Variants in NUTM1 observed in about 807,000 individuals in gnomAD.
NUTM1 encodes the protein NUT family member 1.
In NUTM1, 39 loss-of-function variants were observed where a neutral mutation model predicts 88.7. The observed-to-expected ratio is 0.44, with a 90% confidence interval of 0.34 to 0.57. The LOEUF (loss-of-function observed/expected upper bound fraction) is 0.57, where lower values mean the gene tolerates loss of function less well. NUTM1 is among the 20% of genes least tolerant of loss of function. The pLI is 0.01. For synonymous variants in NUTM1, 494 were observed against 538.0 expected (o/e 0.92, Z 1.13); for missense variants, 1,350 against 1,414.5 (o/e 0.95, Z 0.73).
intron 4 of NUTM1, among the ~76,000 whole-genome samples, chr15:34,352,798 T>C (rs1890732589): frequency 6.7e-6 from 1 of 148,340 alleles, no homozygotes; most frequent in Admixed American, 6.7e-5. Flanking sequence ...AGAGTGAGAC[T>C]CTGTCTCAAA....
Position 34,356,935 on chromosome 15 carries a change from C to A in NUTM1, c.2927C>A (p.Pro976His). The change falls in exon 8 of 8, where the codon CCT becomes CAT. Residue 976 changes from proline (P) to histidine (H), a missense_variant. By Grantham distance (77) the Pro-to-His change is moderately conservative. Transcript: ENST00000537011. ...CTGTCCAAGCCTAAAAACCTTGCTC[C>A]TTTACAAGAGAGTCAGGAGTCTTAC... ...PDLSKPKNLA[P>H]LQESQESYTT... 6.2e-7 allele frequency: 1 copy of A among 1,613,794 alleles called. No individual in the cohort carries two copies. The highest frequency in any genetic ancestry group is 1.1e-5 in the South Asian group (1 of 91,060).
rs1343022447 is a variant in NUTM1, at chr15:34,355,858, T to C, written c.1850T>C (p.Val617Ala). 1.2e-6 allele frequency: 2 copies of C among 1,613,794 alleles called. No individual in the cohort carries two copies. Among genetic ancestry groups the C allele is most frequent in the Non-Finnish European group, 1.7e-6 (2 of 1,179,934 alleles). ...GTGGAGAGGAGAGGGTCTGGGAAGG[T>C]TATAAACCAGGTATCTCTACATCAG... is the stretch of plus-strand genomic sequence containing the variant. ...LGVERRGSGK[V>A]INQVSLHQDG... Residue 617 changes from valine (V) to alanine (A), a missense_variant, in exon 8 of 8, where the codon GTT becomes GCT. By Grantham distance (64) the Val-to-Ala change is moderately conservative. Transcript: ENST00000537011. This position sits in a 1 kb window ranked among gnomAD's most constrained non-coding sequence, Gnocchi z 4.3.
rs1890820976 is a variant in NUTM1, at chr15:34,356,742, G to A, written c.2734G>A (p.Ala912Thr). Residue 912 changes from alanine to threonine, a missense_variant, in exon 8 of 8, where the codon GCA becomes ACA. Around this residue, in one of 5 missense-constraint regions of NUTM1, gnomAD observed 730 missense variants for 728.8 expected, o/e 1.00. Coordinates refer to ENST00000537011, the MANE Select transcript of NUTM1 (RefSeq NM_001284292.2). ...ASSLPEASQE[A>T]GSRGNSFSPL... ...CTCCTTGCCTGAAGCCAGTCAAGAGGCAGGGAGCAGAGGCAATTCCTTTTC... is the reference window on the plus strand; with the variant it reads ...CTCCTTGCCTGAAGCCAGTCAAGAGACAGGGAGCAGAGGCAATTCCTTTTC... The A allele has an allele frequency of 4.3e-6, 7 of 1,613,186 alleles. No individual in the cohort carries two copies. The highest frequency in any genetic ancestry group is 5.9e-6 in the Non-Finnish European group (7 of 1,179,838).
intron 4 of NUTM1, among the ~76,000 whole-genome samples, chr15:34,353,106 C>T (rs1180452473): frequency 2.0e-5 from 3 of 151,704 alleles, no homozygotes; most frequent in Admixed American, 6.6e-5. Flanking sequence ...AGGCTGGTCT[C>T]GAACTCCTGA....
intron 4 of NUTM1, 119 bp downstream of exon 4, chr15:34,350,951 G>A: frequency 1.6e-6 from 2 of 1,285,094 alleles, no homozygotes; most frequent in South Asian, 1.3e-5. Flanking sequence ...GGGCGCAGCG[G>A]CTCACGCCTG....
Position 34,343,518 on chromosome 15 carries a change from T to G in NUTM1, c.-179T>G. ...GAAGAGGTTTTCTTCCCTCCCCTCT[T>G]TTACATCCAGTTCCCCTGCTCCATT... On this transcript the variant is annotated 5_prime_UTR_variant, in exon 1 of 8. Coordinates refer to ENST00000537011, the MANE Select transcript of NUTM1 (RefSeq NM_001284292.2). The G allele has an allele frequency of 7.0e-7, 1 of 1,430,892 alleles. No homozygotes were observed. Among genetic ancestry groups the G allele is most frequent in the South Asian group, 1.3e-5 (1 of 78,520 alleles). 88.6% of individuals were successfully genotyped at this position (1,430,892 alleles called of 1,614,324 possible).
rs1890819497 is a variant in NUTM1, at chr15:34,356,684, C to T, written c.2676C>T (p.Gly892=). The T allele has an allele frequency of 1.2e-6, 2 of 1,613,732 alleles. No individual in the cohort carries two copies. The highest frequency in any genetic ancestry group is 4.5e-5 in the East Asian group (2 of 44,870). ...AAACCCTTCCACCCACATGCCAAGG[C>T]AATCTCCTTATCATGGGGACTGAGG... The part of the protein sequence containing the change: ...SKETLPPTCQ[G]NLLIMGTEDA... Residue 892 remains glycine, a synonymous_variant, in exon 8 of 8, where the codon GGC becomes GGT. Coordinates refer to ENST00000537011, the MANE Select transcript of NUTM1 (RefSeq NM_001284292.2).
Position 34,357,231 on chromosome 15 carries a change from G to T in NUTM1, c.3223G>T (p.Gly1075Cys), listed in dbSNP as rs184261328. 6.0e-5 allele frequency: 97 copies of T among 1,614,082 alleles called. 1 individual carries two copies. In the East Asian group the frequency reaches 2.1e-3, roughly 35 times the overall value. The part of the protein sequence containing the change: ...LSPHHASGGQ[G>C]SQRASHLLPA... ...TCCTCACCATGCCTCAGGAGGTCAG[G>T]GCAGCCAGAGAGCATCCCACCTGCT... Residue 1075 changes from glycine to cysteine, a missense_variant, in exon 8 of 8, where the codon GGC becomes TGC. Gly to Cys is a radical substitution (Grantham distance 159). Around this residue, in one of 5 missense-constraint regions of NUTM1, gnomAD observed 730 missense variants for 728.8 expected, o/e 1.00. Coordinates refer to ENST00000537011, the MANE Select transcript of NUTM1 (RefSeq NM_001284292.2).
Position 34,348,642 on chromosome 15 carries a change from G to C in NUTM1, c.774G>C (p.Gln258His), listed in dbSNP as rs772842880. Residue 258 changes from glutamine to histidine, a missense_variant, in exon 3 of 8, where the codon CAG (glutamine) becomes CAC (histidine). Gln to His is a conservative substitution (Grantham distance 24, BLOSUM62 0). This residue lies in a region of NUTM1 where 399 missense variants were observed against 397.9 expected (regional missense o/e 1.00). Transcript: ENST00000537011. ...YKALARRHLS[Q>H]SPDTEALSCF... ...CCTTGGCCCGGAGGCACCTATCCCA[G>C]AGTCCTGACACAGAAGCTCTTTCCT... is the stretch of plus-strand genomic sequence containing the variant. 2.5e-6 allele frequency: 4 copies of C among 1,607,986 alleles called. No individual in the cohort carries two copies. Among genetic ancestry groups the C allele is most frequent in the Non-Finnish European group, 3.4e-6 (4 of 1,179,698 alleles).
intron 1 of NUTM1, among the ~76,000 whole-genome samples, chr15:34,344,952 A>G (rs534968006): frequency 6.6e-5 from 10 of 152,200 alleles, no homozygotes; most frequent in African/African-American, 2.4e-4. Flanking sequence ...CGGAAGGCGG[A>G]GCTTGCAGTG....
At position 34,357,304 on chromosome 15, in the gene NUTM1, A is replaced by C. The variant is rs755922583; in HGVS notation, c.3296A>C (p.Lys1099Thr). The stretch of plus-strand genomic sequence containing the variant: ...AGCAAACTTCCATATCCTGTTGCCA[A>C]GTCTGGGAAGCGAGCTCTAGCTGGA... ...GPSKLPYPVA[K>T]SGKRALAGGP... Residue 1099 changes from lysine to threonine, a missense_variant, in exon 8 of 8, where the codon AAG (lysine) becomes ACG (threonine). Coordinates refer to ENST00000537011, the MANE Select transcript of NUTM1 (RefSeq NM_001284292.2). 3 of 1,614,110 alleles carry C rather than the reference A, an allele frequency of 1.9e-6. No homozygotes were observed. Among genetic ancestry groups the C allele is most frequent in the African/African-American group, 1.3e-5 (1 of 75,032 alleles).
rs147894425 is a variant in NUTM1 at position 34,354,651 on chromosome 15, G to A, written c.1281G>A (p.Gln427=). ...AACAAGAGGAAGAAGGGCAGCAGCA[G>A]GAGGAGGAAGGGATGTATCCAGATC... ...DGKQEEEGQQ[Q]EEEGMYPDPG... is the part of the protein sequence containing the mutation. The change falls in exon 6 of 8, where the codon CAG becomes CAA. Residue 427 remains glutamine, a synonymous_variant. Transcript: ENST00000537011. The A allele has an allele frequency of 7.2e-5, 117 of 1,614,158 alleles. No homozygotes were observed. In the African/African-American group the frequency reaches 1.4e-3, roughly 20 times the overall value.
chr15:34,352,326 A>G lies in NUTM1; in HGVS notation c.939-1410A>G, dbSNP rs9806277. ...CAGTCTCAGGACTCTGGGATCTCAC[A>G]TTGTTTCCTGGTAGGAACTGCCTTG... On this transcript the variant is annotated intron_variant, in intron 4 of 7. Coordinates refer to ENST00000537011, the MANE Select transcript of NUTM1 (RefSeq NM_001284292.2). 1.6e-3 allele frequency among the ~76,000 whole-genome samples: 244 copies of G among 152,154 alleles called. 1 individual carries two copies. The highest frequency in any genetic ancestry group is 5.3e-3 in the African/African-American group (222 of 41,506).
At position 34,357,029 on chromosome 15, in the gene NUTM1, C is replaced by A. The variant is rs750145567; in HGVS notation, c.3021C>A (p.Thr1007=). Residue 1007 remains threonine, a synonymous_variant, in exon 8 of 8, where the codon ACC becomes ACA. Coordinates refer to ENST00000537011, the MANE Select transcript of NUTM1 (RefSeq NM_001284292.2). ...GAAGCACTTTGCCTAGAAGGGGAAC[C>A]AGGAATGCCATAGTTCCGAGAGAAA... ...GLGSTLPRRG[T]RNAIVPRETS... is the part of the protein sequence containing the mutation. 39 of 1,613,782 alleles carry A rather than the reference C, an allele frequency of 2.4e-5. No homozygotes were observed. Among genetic ancestry groups the A allele is most frequent in the Middle Eastern group, 1.6e-4 (1 of 6,084 alleles).
rs770542549 is a variant in NUTM1, at chr15:34,357,355, C to T, written c.3347C>T (p.Pro1116Leu). The T allele has an allele frequency of 3.1e-6, 5 of 1,614,038 alleles. No homozygotes were observed. In the Admixed American group the frequency reaches 5.0e-5, roughly 16 times the overall value. Residue 1116 changes from proline (P) to leucine (L), a missense_variant, in exon 8 of 8, where the codon CCC (proline) becomes CTC (leucine). Coordinates refer to ENST00000537011, the MANE Select transcript of NUTM1 (RefSeq NM_001284292.2). Reference protein sequence around the residue: ...AGGPAPTEKTPHSGAQLGVPR... With the variant: ...AGGPAPTEKTLHSGAQLGVPR... ...GGTCCAGCCCCTACTGAAAAGACAC[C>T]CCACTCAGGAGCTCAACTTGGGGTC... is the stretch of plus-strand genomic sequence containing the variant.
chr15:34,349,826 G>A (rs771253601), intron 3 of NUTM1, among the ~76,000 whole-genome samples: 8 of 152,164 alleles, frequency 5.3e-5, no homozygotes, highest in African/African-American at 1.4e-4. Context: ...ATCTGAGTTC[G>A]CTCTTGGAGC....
At position 34,356,403 on chromosome 15, in the gene NUTM1, G is replaced by A; in HGVS notation, c.2395G>A (p.Gly799Ser). The A allele has an allele frequency of 6.2e-7, 1 of 1,611,670 alleles. No individual in the cohort carries two copies. Among genetic ancestry groups the A allele is most frequent in the Non-Finnish European group, 8.5e-7 (1 of 1,178,956 alleles). ...GGGCTCCAGGGGCAACATTTCCCTGGGTCCTGGAGAAACCCTAGTACCTGG... is the reference window on the plus strand; with the variant it reads ...GGGCTCCAGGGGCAACATTTCCCTGAGTCCTGGAGAAACCCTAGTACCTGG... ...GLGSRGNISLGPGETLVPGDT... is the reference protein window; with the variant it reads ...GLGSRGNISLSPGETLVPGDT... The change falls in exon 8 of 8, where the codon GGT (glycine) becomes AGT (serine). Residue 799 changes from glycine to serine, a missense_variant. Coordinates refer to ENST00000537011, the MANE Select transcript of NUTM1 (RefSeq NM_001284292.2).
intron 1 of NUTM1, among the ~76,000 whole-genome samples, chr15:34,345,670 G>A (rs534859919): frequency 1.3e-5 from 2 of 152,322 alleles, no homozygotes; most frequent in East Asian, 3.9e-4. Flanking sequence ...GAACCAAACG[G>A]TAAAACTGTA....
chr15:34,355,750 A>T lies in NUTM1; in HGVS notation c.1742A>T (p.Asp581Val). The T allele has an allele frequency of 1.2e-6, 2 of 1,614,168 alleles. No individual in the cohort carries two copies. The highest frequency in any genetic ancestry group is 1.7e-6 in the Non-Finnish European group (2 of 1,180,016). ...GATAGCCCCAGAGGGATGCACAGGGATGGGAACACTCTGCCATCCCCCAGC... is the reference window on the plus strand; with the variant it reads ...GATAGCCCCAGAGGGATGCACAGGGTTGGGAACACTCTGCCATCCCCCAGC... ...ALDSPRGMHRDGNTLPSPSSW... is the reference protein window; with the variant it reads ...ALDSPRGMHRVGNTLPSPSSW... Residue 581 changes from aspartate to valine, a missense_variant, in exon 8 of 8, where the codon GAT becomes GTT. Coordinates refer to ENST00000537011, the MANE Select transcript of NUTM1 (RefSeq NM_001284292.2). This position sits in a 1 kb window ranked among gnomAD's most constrained non-coding sequence, Gnocchi z 4.3.
Sources: allele counts gnomAD v4.1 joint callset (sites outside exome capture counted in the v4.1 genomes callset), GRCh38; gene constraint gnomAD v4.1.1; regional missense constraint gnomAD v4.1.1; non-coding constraint Gnocchi (gnomAD v3.1); transcripts MANE v1.5; gene names NCBI Gene and HGNC (gene_info 2026-07-23, HGNC 2026-07-21).